The following MYO1D variants were observed in gnomAD, a reference collection of about 807,000 sequenced individuals.
MYO1D encodes the protein unconventional myosin-Id.
MYO1D carries 83 observed loss-of-function variants against 122.0 expected under a neutral mutation model. The observed-to-expected ratio is 0.68, with a 90% CI of 0.57 to 0.82. MYO1D has a LOEUF of 0.82. Ranked by LOEUF, MYO1D falls within the 40% of genes least tolerant of loss-of-function variation. The pLI, the probability that MYO1D is intolerant of heterozygous loss-of-function variation, is 0.00. For missense variants in MYO1D, 1,157 were observed against 1,269.5 expected (o/e 0.91, Z 1.35); for synonymous variants, 464 against 446.9 (o/e 1.04, Z -0.48).
chr17:32,666,603 T>C (rs1401402768), intron 16 of MYO1D, among the ~76,000 whole-genome samples: 1 of 152,230 alleles, frequency 6.6e-6, no homozygotes, highest in Non-Finnish European at 1.5e-5. Context: ...AGTAGGATTC[T>C]AGGTTGCACT....
In MYO1D at chr17:32,636,630, C is replaced by A. The variant is rs374111399; in HGVS notation, c.2709+2092G>T. Among the ~76,000 whole-genome samples, 5 of 152,316 alleles carry A rather than the reference C, an allele frequency of 3.3e-5. No individual in the cohort carries two copies. The South Asian group carries it at 6.2e-4, about 19-fold the overall frequency. ...AGTTGATTTGGGAGGTTCAGGCACA[C>A]TGGCAAGGAAGTGGGGAGAGAAGGC... On this transcript the variant is annotated intron_variant, in intron 20 of 21. Coordinates refer to ENST00000318217, the MANE Select transcript of MYO1D (RefSeq NM_015194.3).
chr17:32,739,849 G>A (rs983395142), intron 13 of MYO1D, among the ~76,000 whole-genome samples: 22 of 152,096 alleles, frequency 1.4e-4, no homozygotes, highest in African/African-American at 4.6e-4. Flanking sequence ...AGCGCAGAGC[G>A]AAGAAGACAA....
intron 1 of MYO1D, among the ~76,000 whole-genome samples, chr17:32,797,716 G>A (rs2090429949): frequency 6.6e-6 from 1 of 152,114 alleles, no homozygotes; most frequent in Non-Finnish European, 1.5e-5. Context: ...CACAGATAAG[G>A]AGGAGCTATT....
intron 1 of MYO1D, among the ~76,000 whole-genome samples, chr17:32,817,233 G>T (rs1447181036): frequency 6.6e-6 from 1 of 152,142 alleles, no homozygotes; most frequent in Non-Finnish European, 1.5e-5. Flanking sequence ...CTGGCTAACA[G>T]TAATGTTACA....
chr17:32,797,958 T>C (rs1172309266), intron 1 of MYO1D, among the ~76,000 whole-genome samples: 1 of 152,256 alleles, frequency 6.6e-6, no homozygotes, highest in Non-Finnish European at 1.5e-5. Flanking sequence ...TCTAAAGCCC[T>C]CTTTTGTTGA....
intron 21 of MYO1D, among the ~76,000 whole-genome samples, chr17:32,587,557 A>G (rs578053329): frequency 6.6e-6 from 1 of 152,100 alleles, no homozygotes; most frequent in Non-Finnish European, 1.5e-5. Flanking sequence ...TGAATTCACC[A>G]AAAGTCATCT....
chr17:32,862,320 T>C (rs1196409163), intron 1 of MYO1D, among the ~76,000 whole-genome samples: 4 of 152,232 alleles, frequency 2.6e-5, no homozygotes, highest in South Asian at 4.1e-4. Flanking sequence ...ATCAGTTCTA[T>C]GAGAACAAGA....
At chr17:32,684,922 T>TA (rs2088984378) in intron 16 of MYO1D, among the ~76,000 whole-genome samples, 1 of 152,196 alleles carries the variant, frequency 6.6e-6, no homozygotes, top group South Asian at 2.1e-4. Flanking sequence ...CTGGTTCTGT[T>TA]AGAGTATGAA....
intron 15 of MYO1D, among the ~76,000 whole-genome samples, chr17:32,719,003 G>A (rs919294325): frequency 6.6e-6 from 1 of 152,164 alleles, no homozygotes; most frequent in African/African-American, 2.4e-5. Context: ...ATTTCAAAGT[G>A]AACATAGAGA....
chr17:32,759,308 T>C (rs1488321261), intron 10 of MYO1D, among the ~76,000 whole-genome samples: 1 of 152,098 alleles, frequency 6.6e-6, no homozygotes, highest in Non-Finnish European at 1.5e-5. Flanking sequence ...GCAGATACAA[T>C]TTTGAGGCGG....
chr17:32,632,109 T>G (rs953225947), intron 20 of MYO1D, among the ~76,000 whole-genome samples: 1 of 152,120 alleles, frequency 6.6e-6, no homozygotes, highest in African/African-American at 2.4e-5. Context: ...TATAAGTGAG[T>G]GAGAAATGGT....
At chr17:32,559,833 T>C (rs1339221045) in intron 21 of MYO1D, among the ~76,000 whole-genome samples, 2 of 152,248 alleles carry the variant, frequency 1.3e-5, no homozygotes, top group African/African-American at 4.8e-5. Context: ...ATCAATTATA[T>C]CCATTCCCAG....
At chr17:32,869,735 A>G (rs749906594) in intron 1 of MYO1D, among the ~76,000 whole-genome samples, 16 of 152,154 alleles carry the variant, frequency 1.1e-4, no homozygotes, top group Non-Finnish European at 2.1e-4. Context: ...GCAAAAAGCC[A>G]AAGTGTATCT....
chr17:32,798,734 G>C (rs2090438086), intron 1 of MYO1D, among the ~76,000 whole-genome samples: 1 of 152,198 alleles, frequency 6.6e-6, no homozygotes, highest in South Asian at 2.1e-4. Context: ...AGGGTGTAAA[G>C]AAGACCTAAA....
chr17:32,738,216 T>C, intron 14 of MYO1D, 37 bp downstream of exon 14: 2 of 1,516,432 alleles, frequency 1.3e-6, no homozygotes, highest in South Asian at 1.3e-5. Flanking sequence ...AGGAAATCTA[T>C]GAGTTAAAAT....
At chr17:32,800,282 AATCT>A (rs796085674) in intron 1 of MYO1D, among the ~76,000 whole-genome samples, 6 of 152,342 alleles carry the variant, frequency 3.9e-5, no homozygotes, top group African/African-American at 1.4e-4. Flanking sequence ...ATATAGAAAC[AATCT>A]AAGTTTTCAT....
At chr17:32,514,450 T>C (rs1372590214) in intron 21 of MYO1D, among the ~76,000 whole-genome samples, 2 of 152,152 alleles carry the variant, frequency 1.3e-5, no homozygotes, top group Non-Finnish European at 2.9e-5. Context: ...TTTTTCACAC[T>C]ATTATTTCCA....
chr17:32,811,699 A>G (rs773568900), intron 1 of MYO1D, among the ~76,000 whole-genome samples: 1 of 132,512 alleles, frequency 7.5e-6, no homozygotes, highest in Non-Finnish European at 1.5e-5. Flanking sequence ...CATGTGTTCC[A>G]GAAATGGAAT....
intron 1 of MYO1D, among the ~76,000 whole-genome samples, chr17:32,864,548 GAAA>G (rs200717040): frequency 1.4e-5 from 1 of 73,014 alleles, no homozygotes; most frequent in Middle Eastern, 0.013. Context: ...TTCTACGAAT[GAAA>G]AAAAAAAAAA....
Sources: allele counts gnomAD v4.1 joint callset (sites outside exome capture counted in the v4.1 genomes callset), GRCh38; gene constraint gnomAD v4.1.1; transcripts MANE v1.5; gene names NCBI Gene and HGNC (gene_info 2026-07-23, HGNC 2026-07-21).